SLC25A3: variants seen among roughly 807,000 people sequenced by gnomAD.
SLC25A3 encodes the protein phosphate transport protein.
Under a neutral mutation model 37.1 loss-of-function variants are expected in SLC25A3, and 14 were observed. The observed-to-expected ratio is 0.38, with a 90% confidence interval of 0.25 to 0.59. The LOEUF is 0.59. SLC25A3 is among the 20% of genes least tolerant of loss of function. The pLI, the probability that SLC25A3 is intolerant of heterozygous loss-of-function variation, is 0.67. For missense variants in SLC25A3, 385 were observed against 458.1 expected (o/e 0.84, Z 1.46); for synonymous variants, 161 against 168.7 (o/e 0.95, Z 0.36).
In SLC25A3 at chr12:98,593,968, C is replaced by T. The variant is rs766677386; in HGVS notation, c.-4-7C>T. The T allele has an allele frequency of 4.8e-5, 77 of 1,613,774 alleles. No homozygotes were observed. The East Asian group carries it at 1.6e-3, about 34-fold the overall frequency. ...TGTCCTCTAACCGTCGCTCCCTCCT[C>T]CCCTAGAAAGATGTTCTCGTCCGTG... On this transcript the variant is annotated splice_region_variant and splice_polypyrimidine_tract_variant and intron_variant, in intron 1 of 7. Coordinates refer to ENST00000552981, the MANE Select transcript of SLC25A3 (RefSeq NM_002635.4).
At chr12:98,599,520 C>G (rs2097595926) in intron 5 of SLC25A3, 1 of 426,488 alleles carries the variant, frequency 2.3e-6, no homozygotes, top group African/African-American at 2.1e-5. Context: ...GAGTAAGGAC[C>G]ATTTGTCGGT....
chr12:98,604,347 A>G lies in SLC25A3; in HGVS notation c.*2819A>G, dbSNP rs867155884. The G allele has an allele frequency of 2.6e-5, 4 of 151,516 alleles. No homozygotes were observed. Among genetic ancestry groups the G allele is most frequent in the Admixed American group, 1.3e-4 (2 of 15,182 alleles). 9.4% of individuals were successfully genotyped at this position (151,516 alleles called of 1,614,324 possible). A position where few individuals can be genotyped will look rare whatever the true frequency, so the allele number is the denominator to read the frequency against. ...AAGATAGCATTGCATAGTAACTTCC[A>G]GTAGGATCAAATATTTTGAGAGTGG... On this transcript the variant is annotated 3_prime_UTR_variant, in exon 8 of 8. Coordinates refer to ENST00000552981, the MANE Select transcript of SLC25A3 (RefSeq NM_002635.4).
At position 98,599,968 on chromosome 12, in the gene SLC25A3, G is replaced by A. The variant is rs373621664; in HGVS notation, c.655G>A (p.Val219Ile). 5 of 1,613,746 alleles carry A rather than the reference G, an allele frequency of 3.1e-6. No homozygotes were observed. Among genetic ancestry groups the A allele is most frequent in the Non-Finnish European group, 3.4e-6 (4 of 1,179,760 alleles). ...TTGATTTCCTAGATTCTACAAGGGGGTTGCTCCTCTCTGGATGAGACAGAT... is the reference window on the plus strand; with the variant it reads ...TTGATTTCCTAGATTCTACAAGGGGATTGCTCCTCTCTGGATGAGACAGAT... ...EEGLKAFYKG[V>I]APLWMRQIPY... Residue 219 changes from valine (V) to isoleucine (I), a missense_variant, in exon 6 of 8, where the codon GTT becomes ATT. This residue lies in a region of SLC25A3 where 276 missense variants were observed against 367.6 expected (regional missense o/e 0.75). Transcript: ENST00000552981.
intron 3 of SLC25A3, among the ~76,000 whole-genome samples, chr12:98,596,753 C>T (rs1400189521): frequency 1.3e-5 from 2 of 152,126 alleles, no homozygotes; most frequent in Non-Finnish European, 2.9e-5. Flanking sequence ...GTCGCCCACA[C>T]CTGGAATGCC....
Position 98,601,777 on chromosome 12 carries a change from A to G in SLC25A3, c.*249A>G. On this transcript the variant is annotated 3_prime_UTR_variant, in exon 8 of 8. Transcript: ENST00000552981. ...GCTTTAAAATAGTTGGAAAGAATGAAGTATATAAGTTAAGGAAAAAATACA... is the reference window on the plus strand; with the variant it reads ...GCTTTAAAATAGTTGGAAAGAATGAGGTATATAAGTTAAGGAAAAAATACA... 2.1e-6 allele frequency: 1 copy of G among 465,278 alleles called. No individual in the cohort carries two copies. The highest frequency in any genetic ancestry group is 2.5e-5 in the South Asian group (1 of 40,618). 28.8% of individuals were successfully genotyped at this position (465,278 alleles called of 1,614,324 possible).
intron 4 of SLC25A3, 159 bp from the exon 5 acceptor site, chr12:98,598,363 G>C (rs886488466): frequency 5.0e-5 from 54 of 1,069,516 alleles, no homozygotes; most frequent in Non-Finnish European, 7.1e-5. Flanking sequence ...ACATAGTTAC[G>C]TGTTTTGTTA....
At chr12:98,595,503 T>TGGCA in intron 2 of SLC25A3, 1 of 1,614,032 alleles carries the variant, frequency 6.2e-7, no homozygotes, top group Non-Finnish European at 8.5e-7. Flanking sequence ...TTATTAGCTG[T>TGGCA]GGCACAACAC....
intron 5 of SLC25A3, 56 bp downstream of exon 5, chr12:98,598,759 A>ATT: frequency 7.0e-7 from 1 of 1,420,696 alleles, no homozygotes; most frequent in Admixed American, 2.0e-5. Context: ...AGTGAACTTC[A>ATT]TTTTTTTTTG....
intron 5 of SLC25A3, among the ~76,000 whole-genome samples, chr12:98,599,188 A>C (rs940839459): frequency 1.1e-4 from 16 of 151,960 alleles, no homozygotes; most frequent in African/African-American, 3.9e-4. Context: ...CAGCCTGCTG[A>C]ATAGCTGGGA....
intron 3 of SLC25A3, among the ~76,000 whole-genome samples, chr12:98,597,372 G>C (rs1196466884): frequency 6.6e-6 from 1 of 151,588 alleles, no homozygotes; most frequent in Non-Finnish European, 1.5e-5. Context: ...GATAACTGAA[G>C]CCACAGAAAA....
At chr12:98,598,837 G>GT in intron 5 of SLC25A3, 134 bp downstream of exon 5, 1 of 796,330 alleles carries the variant, frequency 1.3e-6, no homozygotes, top group Non-Finnish European at 2.0e-6. Flanking sequence ...GTGCAGTGGC[G>GT]TGATCTCGGC....
intron 5 of SLC25A3, 99 bp downstream of exon 5, chr12:98,598,802 G>A: frequency 8.8e-7 from 1 of 1,138,842 alleles, no homozygotes; most frequent in Admixed American, 2.2e-5. Flanking sequence ...TTGAGACAAA[G>A]TCTCGCTCTG....
In SLC25A3 at chr12:98,604,263, A is replaced by AAATATATAT. The variant is rs1302964992; in HGVS notation, c.*2736_*2737insATATATATA. ...GCGAAACTCTGTCTCAAAAAAAAAAAATATATATATATATATATATATATG... is the reference window on the plus strand; with the variant it reads ...GCGAAACTCTGTCTCAAAAAAAAAAAAATATATATATATATATATATATATATATATATG... On this transcript the variant is annotated 3_prime_UTR_variant, in exon 8 of 8. Coordinates refer to ENST00000552981, the MANE Select transcript of SLC25A3 (RefSeq NM_002635.4). The AAATATATAT allele has an allele frequency of 5.2e-5, 7 of 134,592 alleles. No homozygotes were observed. The highest frequency in any genetic ancestry group is 2.0e-4 in the African/African-American group (7 of 34,844). The allele number at this position is 134,592 out of a possible 1,614,324, so 8.3% of individuals were successfully genotyped here.
rs2097599690 is a variant in SLC25A3 at position 98,603,875 on chromosome 12, A to G, written c.*2347A>G. 1 of 152,134 alleles carries G rather than the reference A, an allele frequency of 6.6e-6. No individual in the cohort carries two copies. The highest frequency in any genetic ancestry group is 2.4e-5 in the African/African-American group (1 of 41,374). 9.4% of individuals were successfully genotyped at this position (152,134 alleles called of 1,614,324 possible). A position where few individuals can be genotyped will look rare whatever the true frequency, so the allele number is the denominator to read the frequency against. On this transcript the variant is annotated 3_prime_UTR_variant, in exon 8 of 8. Coordinates refer to ENST00000552981, the MANE Select transcript of SLC25A3 (RefSeq NM_002635.4). ...AAAAGATTCTAGTAAGAAAATTTTA[A>G]TATGTATGTATTGGTGTTCTTTTTA...
In SLC25A3 at chr12:98,594,033, C is replaced by A; in HGVS notation, c.55C>A (p.Leu19Met). ...ARANPFNTPH[L>M]QLVHDGLGDL... ...GGCGAACCCCTTCAACACGCCACAT[C>A]TGCAGCTGGTGCACGATGGTCTCGG... The change falls in exon 2 of 8, where the codon CTG becomes ATG. Residue 19 changes from leucine to methionine, a missense_variant. Leu to Met is a conservative substitution (Grantham distance 15). Around this residue, in one of 2 missense-constraint regions of SLC25A3, gnomAD observed 109 missense variants for 90.5 expected, o/e 1.20. Transcript: ENST00000552981. 6.2e-7 allele frequency: 1 copy of A among 1,613,682 alleles called. No homozygotes were observed. Among genetic ancestry groups the A allele is most frequent in the Non-Finnish European group, 8.5e-7 (1 of 1,179,882 alleles).
intron 2 of SLC25A3, chr12:98,594,949 A>C (rs1301663532): frequency 5.3e-6 from 1 of 187,426 alleles, no homozygotes; most frequent in Non-Finnish European, 1.1e-5. Context: ...TAAAAGTTAA[A>C]GCTAACATTA....
intron 3 of SLC25A3, among the ~76,000 whole-genome samples, chr12:98,596,899 G>T (rs1296586520): frequency 6.6e-6 from 1 of 152,050 alleles, no homozygotes; most frequent in Non-Finnish European, 1.5e-5. Flanking sequence ...CGTGCCTGTA[G>T]TCGCAGCTAC....
chr12:98,601,526 T>C lies in SLC25A3; in HGVS notation c.1084T>C (p.Ter362GlnextTer16), dbSNP rs2097597902. 1 of 1,602,540 alleles carries C rather than the reference T, an allele frequency of 6.2e-7. No individual in the cohort carries two copies. Among genetic ancestry groups the C allele is most frequent in the Non-Finnish European group, 8.6e-7 (1 of 1,169,488 alleles). ...SLKKKLGLTQ* is the reference protein window; with the variant it reads ...SLKKKLGLTQQ ...GAAGAAGAAGCTTGGGTTAACTCAG[T>C]AGTTAGATCAAAGCAAATGTGGACT... Residue 362 changes from the stop codon to glutamine (Q), a stop_lost, in exon 8 of 8, where the codon TAG becomes CAG. Transcript: ENST00000552981.
intron 3 of SLC25A3, among the ~76,000 whole-genome samples, chr12:98,597,190 C>G (rs1206878994): frequency 6.6e-6 from 1 of 152,112 alleles, no homozygotes; most frequent in African/African-American, 2.4e-5. Context: ...AACTATCACT[C>G]CAAGACTTAG....
Sources: gnomAD v4.1 joint callset for allele counts (sites outside exome capture counted in the v4.1 genomes callset) on GRCh38, gnomAD v4.1.1 for gene constraint, gnomAD v4.1.1 regional missense constraint, MANE v1.5 for transcripts, NCBI Gene and HGNC (gene_info 2026-07-23, HGNC 2026-07-21) for gene names.